MDGA2: variants seen among roughly 807,000 people sequenced by gnomAD.
MDGA2 encodes MAM domain-containing glycosylphosphatidylinositol anchor protein 2.
In MDGA2, 40 loss-of-function variants were observed where a neutral mutation model predicts 117.8. The observed-to-expected ratio is 0.34, with a 90% CI of 0.26 to 0.44. The LOEUF is 0.44. MDGA2 is among the 20% of genes least tolerant of loss of function. The probability of loss-of-function intolerance (pLI) is 1.00; values close to 1 mark genes in which losing one functional copy is unlikely to be tolerated. For missense variants in MDGA2, 1,123 were observed against 1,250.6 expected (o/e 0.90, Z 1.54); for synonymous variants, 452 against 439.0 (o/e 1.03, Z -0.37).
chr14:46,938,534 C>T (rs1387690366), intron 9 of MDGA2, among the ~76,000 whole-genome samples: 1 of 35,260 alleles, frequency 2.8e-5, no homozygotes, highest in Non-Finnish European at 7.4e-5. Context: ...GAACGAAAAT[C>T]CATCTCAAAA....
intron 9 of MDGA2, among the ~76,000 whole-genome samples, chr14:46,931,214 C>CAAA (rs34493526): frequency 2.6e-4 from 20 of 76,248 alleles, no homozygotes; most frequent in African/African-American, 6.7e-4. Context: ...GACTACATCT[C>CAAA]AAAAAAAAAA....
At chr14:47,057,910 T>C (rs151102068) in intron 7 of MDGA2, among the ~76,000 whole-genome samples, 2 of 152,148 alleles carry the variant, frequency 1.3e-5, no homozygotes, top group Non-Finnish European at 2.9e-5. Flanking sequence ...TGAGCCACCA[T>C]GCCTGGCCCT....
chr14:47,462,245 G>T (rs1465656705), intron 1 of MDGA2, among the ~76,000 whole-genome samples: 1 of 149,632 alleles, frequency 6.7e-6, no homozygotes, highest in Non-Finnish European at 1.5e-5. Flanking sequence ...GCGTGGTGGC[G>T]GGCGCCTGTA....
chr14:47,338,111 C>T (rs941825040), intron 1 of MDGA2, among the ~76,000 whole-genome samples: 1 of 151,924 alleles, frequency 6.6e-6, no homozygotes, highest in African/African-American at 2.4e-5. Context: ...TTCTACTAAT[C>T]TAGGTGAGAC....
intron 2 of MDGA2, among the ~76,000 whole-genome samples, chr14:47,246,776 C>T (rs1375198117): frequency 6.7e-6 from 1 of 148,576 alleles, no homozygotes; most frequent in Non-Finnish European, 1.5e-5. Flanking sequence ...AGAACAAAAA[C>T]CCATTAATTC....
chr14:47,075,370 TG>T (rs1890453620), intron 6 of MDGA2, among the ~76,000 whole-genome samples: 2 of 152,162 alleles, frequency 1.3e-5, no homozygotes, highest in Non-Finnish European at 2.9e-5. Flanking sequence ...GTTGGTGACA[TG>T]GAAGATACAA....
chr14:47,194,488 G>A (rs1371933994), intron 3 of MDGA2, among the ~76,000 whole-genome samples: 3 of 151,886 alleles, frequency 2.0e-5, no homozygotes, highest in African/African-American at 7.3e-5. Flanking sequence ...TTTAAAAATA[G>A]GGATTATCCC....
At chr14:46,893,405 G>A (rs1164498403) in intron 10 of MDGA2, among the ~76,000 whole-genome samples, 1 of 151,874 alleles carries the variant, frequency 6.6e-6, no homozygotes, top group Non-Finnish European at 1.5e-5. Flanking sequence ...GTTCAGTTAT[G>A]TAGGATAAAT....
intron 1 of MDGA2, among the ~76,000 whole-genome samples, chr14:47,485,090 AGTTTGGAGG>A (rs1566480072): frequency 1.3e-5 from 2 of 152,240 alleles, no homozygotes; most frequent in East Asian, 3.9e-4. Flanking sequence ...AGGTTGAAAC[AGTTTGGAGG>A]GCTCAGAAGA....
intron 1 of MDGA2, among the ~76,000 whole-genome samples, chr14:47,345,761 T>C (rs1890749803): frequency 6.6e-6 from 1 of 152,170 alleles, no homozygotes; most frequent in South Asian, 2.1e-4. Flanking sequence ...CATTTCATAT[T>C]CACAGAAGTG....
At chr14:47,067,110 C>T (rs562742153) in intron 6 of MDGA2, among the ~76,000 whole-genome samples, 2 of 152,244 alleles carry the variant, frequency 1.3e-5, no homozygotes, top group African/African-American at 4.8e-5. Flanking sequence ...AGCAAAACTC[C>T]ACCACAAACA....
intron 1 of MDGA2, among the ~76,000 whole-genome samples, chr14:47,449,752 C>T (rs1893201382): frequency 6.6e-6 from 1 of 152,240 alleles, no homozygotes; most frequent in East Asian, 1.9e-4. Flanking sequence ...CCTAGGCAGA[C>T]ATCGACCAAC....
chr14:47,005,420 G>T (rs1887676225), intron 8 of MDGA2, among the ~76,000 whole-genome samples: 1 of 151,490 alleles, frequency 6.6e-6, no homozygotes, highest in African/African-American at 2.4e-5. Flanking sequence ...TTGCTTAACT[G>T]TTGAGTGTTA....
intron 1 of MDGA2, among the ~76,000 whole-genome samples, chr14:47,456,410 A>G (rs952863160): frequency 6.6e-6 from 1 of 150,544 alleles, no homozygotes; most frequent in Non-Finnish European, 1.5e-5. Flanking sequence ...CTCCTGCCTC[A>G]GCCTCCTAAG....
intron 1 of MDGA2, among the ~76,000 whole-genome samples, chr14:47,341,834 C>A (rs1890632896): frequency 6.6e-6 from 1 of 151,984 alleles, no homozygotes; most frequent in East Asian, 1.9e-4. Flanking sequence ...CTGAACCTGG[C>A]TTCTTTCTTT....
At chr14:46,992,880 T>C (rs1182077384) in intron 8 of MDGA2, among the ~76,000 whole-genome samples, 1 of 152,206 alleles carries the variant, frequency 6.6e-6, no homozygotes, top group African/African-American at 2.4e-5. Flanking sequence ...ATTAATAGCA[T>C]AGCAATATGC....
At chr14:47,325,717 A>T (rs1890122968) in intron 1 of MDGA2, among the ~76,000 whole-genome samples, 1 of 152,186 alleles carries the variant, frequency 6.6e-6, no homozygotes, top group South Asian at 2.1e-4. Flanking sequence ...AATAAATTTT[A>T]ACAAGGCTCA....
chr14:46,879,261 A>G (rs770986307), intron 11 of MDGA2, among the ~76,000 whole-genome samples: 26 of 151,980 alleles, frequency 1.7e-4, no homozygotes, highest in Non-Finnish European at 3.4e-4. Flanking sequence ...GTGACCATCT[A>G]TAAATTAGGA....
chr14:47,398,164 T>C (rs900952005), intron 1 of MDGA2, among the ~76,000 whole-genome samples: 2 of 152,216 alleles, frequency 1.3e-5, no homozygotes, highest in African/African-American at 2.4e-5. Flanking sequence ...CATGATACTA[T>C]ACGGCTCTTC....
Sources: allele counts gnomAD v4.1 joint callset (sites outside exome capture counted in the v4.1 genomes callset), GRCh38; gene constraint gnomAD v4.1.1; transcripts MANE v1.5; gene names NCBI Gene and HGNC (gene_info 2026-07-23, HGNC 2026-07-21).